Variants in SNAPC4 observed in about 807,000 individuals in gnomAD.
SNAPC4 encodes snRNA-activating protein complex subunit 4.
In SNAPC4, 127 loss-of-function variants were observed where a neutral mutation model predicts 151.3. That is an observed-to-expected ratio of 0.84 (90% CI 0.73 to 0.97). The LOEUF is 0.97. Among genes scored for constraint, SNAPC4 ranks in the 50% least tolerant of loss-of-function variants. SNAPC4 has a pLI of 0.00. For missense variants in SNAPC4, 2,186 were observed against 1,935.0 expected, an observed-to-expected ratio of 1.13 and a Z score of -2.43; for synonymous variants, 1,002 against 824.4, an observed-to-expected ratio of 1.22 and a Z score of -3.69.
rs1371086481 is a variant in SNAPC4, at chr9:136,382,027, AC to A, written c.2113del (p.Val705SerfsTer36). The A allele has an allele frequency of 6.2e-7, 1 of 1,605,314 alleles. No homozygotes were observed. Among genetic ancestry groups the A allele is most frequent in the Non-Finnish European group, 8.5e-7 (1 of 1,176,988 alleles). Reference protein sequence around the residue: ...QPPLPTSSPGVSSGDSVARSH... With the variant: ...QPPLPTSSPGXSSGDSVARSH... Reference sequence around the variant, plus strand: ...TCGGGCCACGCTGTCACCAGAGCTGACCCCTGGGGATGAGGTGGGCAGGGGT... The same window carrying A: ...TCGGGCCACGCTGTCACCAGAGCTGACCCTGGGGATGAGGTGGGCAGGGGT... On this transcript the variant is annotated frameshift_variant, in exon 18 of 24. Transcript: ENST00000684778. LOFTEE classifies it high-confidence loss of function.
At chr9:136,385,761 G>A (rs568497370) in intron 13 of SNAPC4, among the ~76,000 whole-genome samples, 1 of 152,064 alleles carries the variant, frequency 6.6e-6, no homozygotes, top group Non-Finnish European at 1.5e-5. Context: ...TTACCATATT[G>A]GCCAGGCTGG....
chr9:136,395,326 G>C lies in SNAPC4; in HGVS notation c.443C>G (p.Pro148Arg). 6.2e-7 allele frequency: 1 copy of C among 1,613,564 alleles called. No individual in the cohort carries two copies. The highest frequency in any genetic ancestry group is 8.5e-7 in the Non-Finnish European group (1 of 1,179,956). The change falls in exon 5 of 24, where the codon CCG becomes CGG. Residue 148 changes from proline (P) to arginine (R), a missense_variant. Coordinates refer to ENST00000684778, the MANE Select transcript of SNAPC4 (RefSeq NM_003086.4). ...GCCCGTGACCTTGTCCTTGAAATAC[G>C]GCTTCATGAAGTGCCCCATGTATGT... ...PSTYMGHFMK[P>R]YFKDKVTGVG...
intron 22 of SNAPC4, 152 bp from the exon 23 acceptor site, chr9:136,376,633 T>C: frequency 2.3e-6 from 2 of 859,940 alleles, no homozygotes; most frequent in South Asian, 1.5e-5. Flanking sequence ...CAGGCACTCC[T>C]GGGGCCACAC....
chr9:136,381,419 A>G (rs1165033632), intron 18 of SNAPC4, 27 bp from the exon 19 acceptor site: 1 of 1,596,344 alleles, frequency 6.3e-7, no homozygotes, highest in Non-Finnish European at 8.6e-7. Context: ...ATAAGTGGAA[A>G]GCAGCCCCAG....
chr9:136,379,252 T>C lies in SNAPC4; in HGVS notation c.2575A>G (p.Ser859Gly). 1 of 1,612,626 alleles carries C rather than the reference T, an allele frequency of 6.2e-7. No homozygotes were observed. Among genetic ancestry groups the C allele is most frequent in the Non-Finnish European group, 8.5e-7 (1 of 1,179,950 alleles). Reference sequence around the variant, plus strand: ...GCCAGTCTTCGGCTCCCTTTGTGGCTGGCACTCTTTGAGGCTTCTTGAGCC... The same window carrying C: ...GCCAGTCTTCGGCTCCCTTTGTGGCCGGCACTCTTTGAGGCTTCTTGAGCC... ...VPAQEASKSA[S>G]HKGSRRLASS... The change falls in exon 22 of 24, where the codon AGC becomes GGC. Residue 859 changes from serine to glycine, a missense_variant. Transcript: ENST00000684778.
rs755418661 is a variant in SNAPC4 at position 136,397,019 on chromosome 9, T to G, written c.135A>C (p.Ser45=). The change falls in exon 3 of 24, where the codon TCA becomes TCC. Residue 45 remains serine (S), a synonymous_variant. Coordinates refer to ENST00000684778, the MANE Select transcript of SNAPC4 (RefSeq NM_003086.4). The part of the protein sequence containing the change: ...SSLESDSEAD[S]LPSEDLDPAD... ...CAGGATCCAAGTCCTCAGAAGGCAG[T>G]GAATCTGTCAGAAACACAAGCAACA... The G allele has an allele frequency of 6.2e-7, 1 of 1,612,712 alleles. No individual in the cohort carries two copies. The highest frequency in any genetic ancestry group is 1.7e-5 in the Admixed American group (1 of 60,012).
In SNAPC4 at chr9:136,380,751, G is replaced by A. The variant is rs1475365973; in HGVS notation, c.2488C>T (p.His830Tyr). ...PQAGARDPPV[H>Y]LLQASSSAQS... ...CAAGTGCCTGCTACCTGCAGAAGAT[G>A]AACTGGTGGGTCCCGAGCACCAGCC... Residue 830 changes from histidine to tyrosine, a missense_variant, in exon 20 of 24, where the codon CAT becomes TAT. Physicochemically the swap from His to Tyr is moderately conservative, Grantham distance 83. Transcript: ENST00000684778. 2 of 1,590,404 alleles carry A rather than the reference G, an allele frequency of 1.3e-6. No homozygotes were observed. The highest frequency in any genetic ancestry group is 1.3e-5 in the African/African-American group (1 of 74,640).
chr9:136,380,111 C>A (rs550626969), intron 20 of SNAPC4, among the ~76,000 whole-genome samples: 3 of 152,198 alleles, frequency 2.0e-5, no homozygotes, highest in Non-Finnish European at 4.4e-5. Context: ...GCTGGAGACA[C>A]GCTCTGCACC....
In SNAPC4 at chr9:136,388,490, CT is replaced by C; in HGVS notation, c.1076del (p.Gln359ArgfsTer29). 6.2e-7 allele frequency: 1 copy of C among 1,613,944 alleles called. No individual in the cohort carries two copies. ...TGCCGACGCGCATCTCCTGCACCAG[CT>C]GCGTGAGCATGCGGTCCTCCTCCTC... ...WTEEEDRMLT[Q>X]LVQEMRVGSH... On this transcript the variant is annotated frameshift_variant, in exon 11 of 24. Coordinates refer to ENST00000684778, the MANE Select transcript of SNAPC4 (RefSeq NM_003086.4). LOFTEE classifies it high-confidence loss of function.
chr9:136,385,555 C>G (rs1263958402), intron 13 of SNAPC4, among the ~76,000 whole-genome samples: 1 of 134,178 alleles, frequency 7.5e-6, no homozygotes, highest in Non-Finnish European at 1.6e-5. Flanking sequence ...GAATCCCACT[C>G]CCCCCCCTTT....
chr9:136,395,673 AC>A lies in SNAPC4; in HGVS notation c.274del (p.Val92SerfsTer28). On this transcript the variant is annotated frameshift_variant, in exon 4 of 24. Coordinates refer to ENST00000684778, the MANE Select transcript of SNAPC4 (RefSeq NM_003086.4). LOFTEE classifies it high-confidence loss of function. ...DPETCLQLNM[V>X]YQEVIQEKLA... is the part of the protein sequence containing the mutation. Reference sequence around the variant, plus strand: ...CTTCTCCTGGATGACCTCCTGGTAGACCATGTTCAGCTGCAGGCAGGTTTCT... The same window carrying A: ...CTTCTCCTGGATGACCTCCTGGTAGACATGTTCAGCTGCAGGCAGGTTTCT... The A allele has an allele frequency of 1.9e-6, 3 of 1,613,344 alleles. No homozygotes were observed. The highest frequency in any genetic ancestry group is 2.5e-6 in the Non-Finnish European group (3 of 1,179,990).
chr9:136,396,831 CT>C (rs1834290585), intron 3 of SNAPC4, 145 bp downstream of exon 3: 3 of 733,046 alleles, frequency 4.1e-6, no homozygotes, highest in Non-Finnish European at 4.9e-6. Context: ...ATGACAAATG[CT>C]TTTTAATTTT....
chr9:136,399,123 G>A (rs1834368463), intron 1 of SNAPC4, among the ~76,000 whole-genome samples: 1 of 152,222 alleles, frequency 6.6e-6, no homozygotes, highest in African/African-American at 2.4e-5. Flanking sequence ...GAGAGAGTGG[G>A]AGAATGAAAC....
intron 14 of SNAPC4, among the ~76,000 whole-genome samples, chr9:136,384,305 C>G (rs536434999): frequency 6.6e-6 from 1 of 152,154 alleles, no homozygotes; most frequent in African/African-American, 2.4e-5. Context: ...TCTGCTCCCC[C>G]CAGGCTTCCG....
chr9:136,393,927 T>C (rs1307497773), intron 7 of SNAPC4, among the ~76,000 whole-genome samples: 1 of 152,204 alleles, frequency 6.6e-6, no homozygotes, highest in Non-Finnish European at 1.5e-5. Flanking sequence ...GGCTGTTGTG[T>C]TTGTTTTTGA....
rs148400916 is a variant in SNAPC4, at chr9:136,383,278, G to A, written c.1891C>T (p.Pro631Ser). 8 of 1,611,874 alleles carry A rather than the reference G, an allele frequency of 5.0e-6. No individual in the cohort carries two copies. Among genetic ancestry groups the A allele is most frequent in the South Asian group, 1.1e-5 (1 of 91,036 alleles). Residue 631 changes from proline (P) to serine (S), a missense_variant, in exon 16 of 24, where the codon CCT becomes TCT. Transcript: ENST00000684778. The surrounding 1 kb of genome is among the most constrained non-coding windows in gnomAD (Gnocchi z 4.2). ...GGGACAGGGCCGTGGGCCCTGGCAG[G>A]GACCTGCACCGGACTCGTCTCCTCT... ...PGEETSPVQVPARAHGPVPRS... is the reference protein window; with the variant it reads ...PGEETSPVQVSARAHGPVPRS...
chr9:136,395,561 G>C, intron 4 of SNAPC4, 42 bp downstream of exon 4: 1 of 1,584,516 alleles, frequency 6.3e-7, no homozygotes. Flanking sequence ...GGGCTCTGGG[G>C]GTGGGGAGGT....
rs758652807 is a variant in SNAPC4 at position 136,378,929 on chromosome 9, A to G, written c.2898T>C (p.Ser966=). 8 of 1,610,804 alleles carry G rather than the reference A, an allele frequency of 5.0e-6. No individual in the cohort carries two copies. Among genetic ancestry groups the G allele is most frequent in the Non-Finnish European group, 6.8e-6 (8 of 1,179,426 alleles). The change falls in exon 22 of 24, where the codon TCT becomes TCC. Residue 966 remains serine, a synonymous_variant. Transcript: ENST00000684778. ...AAGTCCCAGCCTCCTGCCAGGAGCC[A>G]GAAGTGCCAGGTTTGGCTGCCGCGG... ...GAPAAAKPGT[S]GSWQEAGTSA... is the part of the protein sequence containing the mutation.
chr9:136,400,117 C>T lies in SNAPC4; in HGVS notation c.-10+17G>A, dbSNP rs955162811. On this transcript the variant is annotated intron_variant, in intron 1 of 23. Coordinates refer to ENST00000684778, the MANE Select transcript of SNAPC4 (RefSeq NM_003086.4). The stretch of plus-strand genomic sequence containing the variant: ...GCCGACGCCACCCGCGCCTCACCTG[C>T]TGGGCGCACACCTTACCTGGCCGCG... 2 of 152,178 alleles carry T rather than the reference C, an allele frequency of 1.3e-5. No homozygotes were observed. Among genetic ancestry groups the T allele is most frequent in the South Asian group, 2.1e-4 (1 of 4,840 alleles). The allele number at this position is 152,178 out of a possible 1,614,324, so 9.4% of individuals were successfully genotyped here.
Sources: allele counts gnomAD v4.1 joint callset (sites outside exome capture counted in the v4.1 genomes callset), GRCh38; gene constraint gnomAD v4.1.1; non-coding constraint Gnocchi (gnomAD v3.1); transcripts MANE v1.5; gene names NCBI Gene and HGNC (gene_info 2026-07-23, HGNC 2026-07-21).